CLDN10: variants seen among roughly 807,000 people sequenced by gnomAD.
CLDN10 encodes the protein claudin 10.
In CLDN10, 15 loss-of-function variants were observed where a neutral mutation model predicts 22.9. The observed-to-expected ratio is 0.65, with a 90% CI of 0.44 to 1.01. The LOEUF is 1.01. Among genes scored for constraint, CLDN10 ranks in the 50% least tolerant of loss-of-function variants. The pLI is 0.00. For missense variants in CLDN10, 247 were observed against 287.8 expected (o/e 0.86, Z 1.03); for synonymous variants, 114 against 111.4 (o/e 1.02, Z -0.15).
rs559924415 is a variant in CLDN10, at chr13:95,497,857, G to A, written c.215-62275G>A. 7.9e-5 allele frequency among the ~76,000 whole-genome samples: 12 copies of A among 151,120 alleles called. No individual in the cohort carries two copies. In the South Asian group the frequency reaches 2.5e-3, roughly 32 times the overall value. ...TTCTGGAAGGAAAGAAAAAATCAAA[G>A]AAGAGAAGAGAAGTGAAGGGACATC... On this transcript the variant is annotated intron_variant, in intron 1 of 4. Transcript: ENST00000376873.
chr13:95,472,396 G>A (rs1050386890), intron 1 of CLDN10, among the ~76,000 whole-genome samples: 8 of 152,068 alleles, frequency 5.3e-5, no homozygotes, highest in Admixed American at 3.3e-4. Flanking sequence ...AATATAGTGC[G>A]ATAGGCCAGA....
At chr13:95,452,126 C>T (rs1340852918) in intron 1 of CLDN10, among the ~76,000 whole-genome samples, 1 of 152,178 alleles carries the variant, frequency 6.6e-6, no homozygotes, top group Non-Finnish European at 1.5e-5. Context: ...ATCAAAGCTA[C>T]CAATTGTTAT....
At chr13:95,503,818 C>T (rs573496593) in intron 1 of CLDN10, among the ~76,000 whole-genome samples, 1 of 152,216 alleles carries the variant, frequency 6.6e-6, no homozygotes, top group East Asian at 1.9e-4. Flanking sequence ...AGAATGGTGG[C>T]TGCTAGGGAG....
chr13:95,508,703 C>A (rs757015164), intron 1 of CLDN10, among the ~76,000 whole-genome samples: 6 of 152,202 alleles, frequency 3.9e-5, no homozygotes, highest in Non-Finnish European at 7.3e-5. Context: ...TTCTGGACAT[C>A]ATGGGAGACT....
At chr13:95,511,188 AAGTC>A (rs986365488) in intron 1 of CLDN10, among the ~76,000 whole-genome samples, 72 of 152,232 alleles carry the variant, frequency 4.7e-4, no homozygotes, top group African/African-American at 1.7e-3. Flanking sequence ...ATACATCTGA[AAGTC>A]AGTCAACTGT....
At chr13:95,542,213 C>T (rs1294196556) in intron 1 of CLDN10, among the ~76,000 whole-genome samples, 2 of 152,172 alleles carry the variant, frequency 1.3e-5, no homozygotes, top group Non-Finnish European at 2.9e-5. Context: ...AGAAATCTAC[C>T]CCCATGATCC....
At chr13:95,536,675 T>G (rs1304995582) in intron 1 of CLDN10, among the ~76,000 whole-genome samples, 1 of 152,200 alleles carries the variant, frequency 6.6e-6, no homozygotes, top group Admixed American at 6.5e-5. Context: ...GCGTTGCAGT[T>G]ACAAAATCTT....
chr13:95,477,922 C>T (rs2042701321), intron 1 of CLDN10, among the ~76,000 whole-genome samples: 1 of 152,136 alleles, frequency 6.6e-6, no homozygotes, highest in Admixed American at 6.5e-5. Flanking sequence ...ACAATGAAAG[C>T]CAGCTTTCAT....
intron 1 of CLDN10, among the ~76,000 whole-genome samples, chr13:95,483,044 T>C (rs899849879): frequency 6.6e-6 from 1 of 152,196 alleles, no homozygotes; most frequent in Non-Finnish European, 1.5e-5. Flanking sequence ...GCCAACATTC[T>C]TACTGGTGAG....
chr13:95,529,434 G>A (rs2138601397), intron 1 of CLDN10, among the ~76,000 whole-genome samples: 1 of 152,200 alleles, frequency 6.6e-6, no homozygotes, highest in African/African-American at 2.4e-5. Flanking sequence ...GGGCTTGAAA[G>A]GAATTGTTAA....
chr13:95,574,189 A>G (rs976206014), intron 3 of CLDN10, among the ~76,000 whole-genome samples: 1 of 152,188 alleles, frequency 6.6e-6, no homozygotes, highest in East Asian at 1.9e-4. Flanking sequence ...ATATGAACAC[A>G]TGTCAATTTT....
At chr13:95,491,766 TTGTC>T (rs1283951194) in intron 1 of CLDN10, among the ~76,000 whole-genome samples, 2 of 152,138 alleles carry the variant, frequency 1.3e-5, no homozygotes, top group African/African-American at 2.4e-5. Context: ...CCAGGGTTGA[TTGTC>T]TGGCTCCTTC....
chr13:95,449,853 C>T (rs1213307654), intron 1 of CLDN10, among the ~76,000 whole-genome samples: 1 of 151,522 alleles, frequency 6.6e-6, no homozygotes. Flanking sequence ...ACGCCATTCC[C>T]CTGCCTCAGC....
At chr13:95,507,572 A>G (rs1248257011) in intron 1 of CLDN10, among the ~76,000 whole-genome samples, 1 of 152,052 alleles carries the variant, frequency 6.6e-6, no homozygotes, top group Non-Finnish European at 1.5e-5. Flanking sequence ...GGATCACTTA[A>G]GCCCAGGAGT....
At chr13:95,527,521 G>C (rs1464387606) in intron 1 of CLDN10, among the ~76,000 whole-genome samples, 1 of 152,128 alleles carries the variant, frequency 6.6e-6, no homozygotes, top group African/African-American at 2.4e-5. Context: ...CCTGAGGTCA[G>C]GAGTTCAAGA....
upstream of CLDN10, among the ~76,000 whole-genome samples, chr13:95,547,938 A>G (rs1429093734): frequency 6.6e-6 from 1 of 151,954 alleles, no homozygotes; most frequent in Non-Finnish European, 1.5e-5. Flanking sequence ...GAAAACTGCT[A>G]CTCTCCTCTC....
chr13:95,493,323 C>T (rs4773908), intron 1 of CLDN10, among the ~76,000 whole-genome samples: 62,638 of 151,392 alleles, frequency 0.41, 13,144 homozygotes, highest in South Asian at 0.45. Flanking sequence ...CATGTTATAA[C>T]TTTGCATTTT....
upstream of CLDN10, among the ~76,000 whole-genome samples, chr13:95,550,820 C>CTT (rs56225257): frequency 0.012 from 1,035 of 85,542 alleles, 44 homozygotes; most frequent in Non-Finnish European, 0.015. Context: ...TAGGAAGATA[C>CTT]TTTTTTTTTT....
In CLDN10 at chr13:95,552,936, C is replaced by T. The variant is rs1353727969; in HGVS notation, c.183C>T (p.Ser61=). 2 of 1,614,004 alleles carry T rather than the reference C, an allele frequency of 1.2e-6. No homozygotes were observed. Among genetic ancestry groups the T allele is most frequent in the African/African-American group, 1.3e-5 (1 of 74,936 alleles). ...KACVTDSTGV[S]NCKDFPSMLA... is the part of the protein sequence containing the mutation. ...GCGTTACCGACTCCACGGGCGTCTC[C>T]AACTGCAAGGACTTCCCCTCCATGC... Residue 61 remains serine, a synonymous_variant, in exon 1 of 5, where the codon TCC becomes TCT. Transcript: ENST00000299339.
Sources: allele counts gnomAD v4.1 joint callset (sites outside exome capture counted in the v4.1 genomes callset), GRCh38; gene constraint gnomAD v4.1.1; transcripts MANE v1.5; gene names NCBI Gene and HGNC (gene_info 2026-07-23, HGNC 2026-07-21).